MTHFD2L: variants seen among roughly 807,000 people sequenced by gnomAD.
MTHFD2L encodes bifunctional methylenetetrahydrofolate dehydrogenase/cyclohydrolase 2, mitochondrial.
MTHFD2L carries 29 observed loss-of-function variants against 34.9 expected under a neutral mutation model. The observed-to-expected ratio is 0.83, with a 90% CI of 0.62 to 1.13. The LOEUF is 1.13. MTHFD2L is among the 50% of genes most tolerant of loss of function. The pLI is 0.00. For missense variants in MTHFD2L, 481 were observed against 446.5 expected, an observed-to-expected ratio of 1.08 and a Z score of -0.70; for synonymous variants, 167 against 155.7, an observed-to-expected ratio of 1.07 and a Z score of -0.54.
intron 6 of MTHFD2L, among the ~76,000 whole-genome samples, chr4:74,225,797 C>T (rs529751173): frequency 6.6e-6 from 1 of 152,222 alleles, no homozygotes; most frequent in South Asian, 2.1e-4. Context: ...AAGATAGTCA[C>T]TATGCTGCCC....
At chr4:74,132,203 C>T (rs955066585) in intron 1 of MTHFD2L, among the ~76,000 whole-genome samples, 17 of 152,082 alleles carry the variant, frequency 1.1e-4, no homozygotes, top group Non-Finnish European at 2.5e-4. Flanking sequence ...GGATCTAGAA[C>T]CAGAAATACC....
intron 7 of MTHFD2L, among the ~76,000 whole-genome samples, chr4:74,300,248 A>G (rs1750129442): frequency 6.6e-6 from 1 of 152,024 alleles, no homozygotes; most frequent in Admixed American, 6.6e-5. Context: ...ACACATGTTA[A>G]CTATATATAT....
intron 6 of MTHFD2L, among the ~76,000 whole-genome samples, chr4:74,226,745 C>T (rs1478679336): frequency 6.6e-6 from 1 of 152,090 alleles, no homozygotes; most frequent in Non-Finnish European, 1.5e-5. Context: ...ATATTGGACC[C>T]TTCCTATGCA....
At chr4:74,186,631 G>T (rs1037637017) in intron 3 of MTHFD2L, among the ~76,000 whole-genome samples, 8 of 151,864 alleles carry the variant, frequency 5.3e-5, no homozygotes, top group Non-Finnish European at 1.2e-4. Context: ...AAAAGATGGG[G>T]AAAACCTATA....
chr4:74,281,587 A>T (rs1578709679), intron 7 of MTHFD2L, 37 bp downstream of exon 7: 2 of 1,567,724 alleles, frequency 1.3e-6, no homozygotes, highest in Non-Finnish European at 1.7e-6. Context: ...TGAAGAAGAT[A>T]AAAAAATTCC....
At chr4:74,273,048 A>T (rs1746191852) in intron 6 of MTHFD2L, among the ~76,000 whole-genome samples, 2 of 152,110 alleles carry the variant, frequency 1.3e-5, no homozygotes, top group South Asian at 2.1e-4. Context: ...ACGCCTTTTT[A>T]TCCAGTTCTT....
At chr4:74,149,745 T>C (rs573740208) in intron 1 of MTHFD2L, among the ~76,000 whole-genome samples, 1 of 152,332 alleles carries the variant, frequency 6.6e-6, no homozygotes, top group East Asian at 1.9e-4. Context: ...AATATTCTTC[T>C]TGTTGTTATG....
In MTHFD2L at chr4:74,212,624, A is replaced by C. The variant is rs1427965458; in HGVS notation, c.712+11254A>C. Among the ~76,000 whole-genome samples, 12 of 152,126 alleles carry C rather than the reference A, an allele frequency of 7.9e-5. 1 individual carries two copies. The highest frequency in any genetic ancestry group is 7.9e-4 in the Admixed American group (12 of 15,278). On this transcript the variant is annotated intron_variant, in intron 5 of 7. Coordinates refer to ENST00000325278, the MANE Select transcript of MTHFD2L (RefSeq NM_001144978.3). ...GTGTTTTACTTCCAATTATGTGCTC[A>C]ATTTTAGAATAAGTGTGATGTGGTG...
At chr4:74,271,351 G>A (rs995651409) in intron 6 of MTHFD2L, among the ~76,000 whole-genome samples, 25 of 152,098 alleles carry the variant, frequency 1.6e-4, no homozygotes, top group African/African-American at 4.1e-4. Flanking sequence ...TTTTGTATAA[G>A]GTGTAAGGAA....
chr4:74,240,949 A>G (rs1404946063), intron 6 of MTHFD2L, among the ~76,000 whole-genome samples: 1 of 152,206 alleles, frequency 6.6e-6, no homozygotes, highest in Non-Finnish European at 1.5e-5. Flanking sequence ...AAATGGATAA[A>G]TCATGTAGTA....
intron 2 of MTHFD2L, among the ~76,000 whole-genome samples, chr4:74,115,919 C>T (rs1721648753): frequency 6.6e-6 from 1 of 152,012 alleles, no homozygotes; most frequent in African/African-American, 2.4e-5. Context: ...TTATTAAATT[C>T]CAATTGAACA....
rs192949844 is a variant in MTHFD2L at position 74,289,510 on chromosome 4, G to A, written c.931+7960G>A. Among the ~76,000 whole-genome samples the A allele has an allele frequency of 6.6e-5, 10 of 152,298 alleles. No individual in the cohort carries two copies. In the East Asian group the frequency reaches 9.6e-4, roughly 15 times the overall value. On this transcript the variant is annotated intron_variant, in intron 7 of 7. Transcript: ENST00000325278. ...AAGGATATTTGGATTATACTCTAAC[G>A]CAGTGGAAATCCATTGGAGGATGTG...
At chr4:74,171,012 A>G (rs994540548) in intron 1 of MTHFD2L, among the ~76,000 whole-genome samples, 1 of 151,318 alleles carries the variant, frequency 6.6e-6, no homozygotes, top group Non-Finnish European at 1.5e-5. Flanking sequence ...TAGCATTAGG[A>G]GATATACCTA....
intron 5 of MTHFD2L, among the ~76,000 whole-genome samples, chr4:74,220,437 T>C (rs1184551701): frequency 6.6e-6 from 1 of 151,968 alleles, no homozygotes; most frequent in Non-Finnish European, 1.5e-5. Context: ...TTGATTTTTC[T>C]ATATTAACCT....
In MTHFD2L at chr4:74,200,847, A is replaced by G. The variant is rs16850631; in HGVS notation, c.605-416A>G. Among the ~76,000 whole-genome samples the G allele has an allele frequency of 6.1e-3, 925 of 151,684 alleles. 12 individuals carry two copies. The highest frequency in any genetic ancestry group is 0.021 in the African/African-American group (882 of 41,026). ...GCTTCTTTCCTATGGAGTAAAATGC[A>G]TGAGCTTTGTGAAAAATGCCTCTTT... On this transcript the variant is annotated intron_variant, in intron 4 of 7. Transcript: ENST00000325278.
intron 1 of MTHFD2L, among the ~76,000 whole-genome samples, chr4:74,144,466 A>G (rs1723467077): frequency 6.6e-6 from 1 of 152,130 alleles, no homozygotes; most frequent in Non-Finnish European, 1.5e-5. Context: ...ACAAAAAAAC[A>G]AAAAAACAAG....
chr4:74,189,713 A>G (rs955742897), intron 3 of MTHFD2L, among the ~76,000 whole-genome samples: 1 of 152,050 alleles, frequency 6.6e-6, no homozygotes, highest in African/African-American at 2.4e-5. Flanking sequence ...TTGTTATATC[A>G]TCTAACTTGA....
chr4:74,261,489 C>G (rs1353741778), intron 6 of MTHFD2L, among the ~76,000 whole-genome samples: 6 of 152,120 alleles, frequency 3.9e-5, no homozygotes, highest in Admixed American at 3.3e-4. Context: ...AAGTAGAGCT[C>G]TAACCCATGT....
rs181330346 is a variant in MTHFD2L at position 74,261,684 on chromosome 4, A to C, written c.806-19741A>C. ...TTTGAAATAGTTCAAAATTATGCCT[A>C]GCAACTTGTAATTATTATTAGCATC... On this transcript the variant is annotated intron_variant, in intron 6 of 7. Transcript: ENST00000325278. 4.8e-3 allele frequency among the ~76,000 whole-genome samples: 732 copies of C among 152,206 alleles called. 5 individuals are homozygous for C. The highest frequency in any genetic ancestry group is 8.0e-3 in the Non-Finnish European group (546 of 67,906).
Sources: allele counts gnomAD v4.1 joint callset (sites outside exome capture counted in the v4.1 genomes callset), GRCh38; gene constraint gnomAD v4.1.1; transcripts MANE v1.5; gene names NCBI Gene and HGNC (gene_info 2026-07-23, HGNC 2026-07-21).